Variants in BICD1 observed in about 807,000 individuals in gnomAD.
The protein encoded by BICD1 is protein bicaudal D homolog 1.
BICD1 carries 35 observed loss-of-function variants against 92.5 expected under a neutral mutation model. The ratio of observed to expected loss-of-function variants is 0.38; its 90% CI spans 0.29 to 0.50. The LOEUF (loss-of-function observed/expected upper bound fraction) is 0.50. Among genes scored for constraint, BICD1 ranks in the 20% least tolerant of loss-of-function variants. The pLI is 0.93. For synonymous variants in BICD1, 429 were observed against 465.1 expected (o/e 0.92, Z 1.00); for missense variants, 950 against 1,189.8 (o/e 0.80, Z 2.97).
intron 2 of BICD1, among the ~76,000 whole-genome samples, chr12:32,230,656 G>A (rs1201774409): frequency 6.6e-6 from 1 of 152,168 alleles, no homozygotes; most frequent in African/African-American, 2.4e-5. Context: ...AGAATTTTTA[G>A]AGAGGAGAGA....
chr12:32,117,464 G>T (rs1941955852), intron 1 of BICD1, among the ~76,000 whole-genome samples: 1 of 151,856 alleles, frequency 6.6e-6, no homozygotes, highest in Non-Finnish European at 1.5e-5. Flanking sequence ...ACTTTATTTT[G>T]ATTTATGTTT....
intron 9 of BICD1, among the ~76,000 whole-genome samples, chr12:32,370,153 G>C (rs1031875354): frequency 1.3e-5 from 2 of 152,136 alleles, no homozygotes; most frequent in African/African-American, 2.4e-5. Flanking sequence ...TGGATCACAA[G>C]GTCAAGAGAT....
intron 1 of BICD1, among the ~76,000 whole-genome samples, chr12:32,130,208 ATT>A (rs35138376): frequency 6.8e-6 from 1 of 147,326 alleles, no homozygotes; most frequent in African/African-American, 2.5e-5. Context: ...CAGTGACAAA[ATT>A]TTTTTTTTTT....
chr12:32,133,913 C>T (rs1942642215), intron 1 of BICD1, among the ~76,000 whole-genome samples: 1 of 151,878 alleles, frequency 6.6e-6, no homozygotes, highest in Admixed American at 6.6e-5. Context: ...TCTTGAGTAG[C>T]TGGGACTACA....
chr12:32,313,108 T>C lies in BICD1; in HGVS notation c.1005+6986T>C, dbSNP rs1948420926. Among the ~76,000 whole-genome samples, 1 of 115,618 alleles carries C rather than the reference T, an allele frequency of 8.6e-6. No homozygotes were observed. The highest frequency in any genetic ancestry group is 2.0e-5 in the Non-Finnish European group (1 of 48,814). The allele number at this position is 115,618 out of a possible 152,430, so 75.8% of individuals were successfully genotyped here. ...AGAGTCAAACTAAGCAGGGGAAAAC[T>C]CTTTGGATTTTTTTTTTCAGTATTA... On this transcript the variant is annotated intron_variant, in intron 4 of 9. Coordinates refer to ENST00000652176, the MANE Select transcript of BICD1 (RefSeq NM_001714.4). The surrounding 1 kb of genome is among the most constrained non-coding windows in gnomAD (Gnocchi z 4.2).
intron 1 of BICD1, among the ~76,000 whole-genome samples, chr12:32,116,508 CTCTATA>C (rs1420353386): frequency 1.9e-4 from 18 of 94,246 alleles, no homozygotes; most frequent in African/African-American, 2.6e-4. Flanking sequence ...CTCTCTCTCT[CTCTATA>C]TATATATATA....
intron 3 of BICD1, among the ~76,000 whole-genome samples, chr12:32,303,689 C>T (rs752354149): frequency 2.0e-5 from 3 of 152,186 alleles, no homozygotes; most frequent in African/African-American, 4.8e-5. Context: ...GGCTGTACAA[C>T]AACAGAGGAA....
At chr12:32,343,168 A>G (rs990342394) in intron 8 of BICD1, among the ~76,000 whole-genome samples, 1 of 152,202 alleles carries the variant, frequency 6.6e-6, no homozygotes, top group African/African-American at 2.4e-5. Flanking sequence ...AGTGCCTATC[A>G]GCCTTGATGA....
intron 1 of BICD1, among the ~76,000 whole-genome samples, chr12:32,150,861 G>A (rs1014222354): frequency 6.6e-6 from 1 of 152,150 alleles, no homozygotes; most frequent in South Asian, 2.1e-4. Context: ...GGTAAAGAAG[G>A]CACGTGAGAC....
intron 2 of BICD1, among the ~76,000 whole-genome samples, chr12:32,255,007 C>G (rs1353683387): frequency 6.6e-6 from 1 of 152,020 alleles, no homozygotes; most frequent in Admixed American, 6.6e-5. Flanking sequence ...TATCACAGAC[C>G]AGGTGGCCCA....
chr12:32,263,223 A>G (rs1946902253), intron 2 of BICD1, among the ~76,000 whole-genome samples: 2 of 152,030 alleles, frequency 1.3e-5, no homozygotes, highest in Admixed American at 1.3e-4. Context: ...ACAGCACCAA[A>G]GGACTTCTAT....
intron 1 of BICD1, among the ~76,000 whole-genome samples, chr12:32,191,113 A>C (rs531158585): frequency 7.2e-5 from 11 of 152,298 alleles, no homozygotes; most frequent in African/African-American, 2.6e-4. Flanking sequence ...GTTTAGAGGG[A>C]TAAAGGCCTA....
intron 3 of BICD1, among the ~76,000 whole-genome samples, chr12:32,295,265 T>C (rs1199600122): frequency 6.6e-6 from 1 of 152,158 alleles, no homozygotes; most frequent in African/African-American, 2.4e-5. Context: ...GAATCTGTAA[T>C]TTTAGAAGAA....
At chr12:32,117,707 T>TACACAC (rs1375369579) in intron 1 of BICD1, among the ~76,000 whole-genome samples, 9 of 63,510 alleles carry the variant, frequency 1.4e-4, no homozygotes, top group African/African-American at 7.7e-4. Context: ...TACACAAATA[T>TACACAC]ATATACACAC....
At chr12:32,244,991 G>A (rs985664360) in intron 2 of BICD1, among the ~76,000 whole-genome samples, 1 of 152,036 alleles carries the variant, frequency 6.6e-6, no homozygotes, top group African/African-American at 2.4e-5. Flanking sequence ...TTAAAATATA[G>A]ACTCTGAAGA....
At chr12:32,116,478 C>G (rs935062628) in intron 1 of BICD1, among the ~76,000 whole-genome samples, 1,929 of 112,248 alleles carry the variant, frequency 0.017, 49 homozygotes, top group African/African-American at 0.059. Context: ...CTCTCTCTCT[C>G]TCTCTCTCTC....
intron 1 of BICD1, among the ~76,000 whole-genome samples, chr12:32,134,447 A>G (rs562762384): frequency 6.6e-6 from 1 of 152,320 alleles, no homozygotes; most frequent in Non-Finnish European, 1.5e-5. Context: ...CCAGAGACCA[A>G]TGGGTGGCAG....
At chr12:32,350,754 G>T (rs1012119594) in intron 8 of BICD1, among the ~76,000 whole-genome samples, 4 of 152,072 alleles carry the variant, frequency 2.6e-5, no homozygotes, top group African/African-American at 7.2e-5. Context: ...TTACCTGAAA[G>T]GTATGAGAGG....
At position 32,132,249 on chromosome 12, in the gene BICD1, C is replaced by G. The variant is rs141566741; in HGVS notation, c.213+24705C>G. 2.0e-3 allele frequency among the ~76,000 whole-genome samples: 300 copies of G among 152,044 alleles called. 1 individual carries two copies. Among genetic ancestry groups the G allele is most frequent in the African/African-American group, 6.9e-3 (287 of 41,450 alleles). ...TGACCAATATGGTGAAAACCTGTCT[C>G]TACTAAAAATACAAAAATTAGCTGG... On this transcript the variant is annotated intron_variant, in intron 1 of 9. Transcript: ENST00000652176.
Sources: allele counts gnomAD v4.1 joint callset (sites outside exome capture counted in the v4.1 genomes callset), GRCh38; gene constraint gnomAD v4.1.1; non-coding constraint Gnocchi (gnomAD v3.1); transcripts MANE v1.5; gene names NCBI Gene and HGNC (gene_info 2026-07-23, HGNC 2026-07-21).